Variants in KCNT2 observed in about 807,000 individuals in gnomAD.
KCNT2 encodes potassium channel subfamily T member 2.
KCNT2 carries 67 observed loss-of-function variants against 153.8 expected under a neutral mutation model. The ratio of observed to expected loss-of-function variants is 0.44; its 90% CI spans 0.36 to 0.53. KCNT2 has a LOEUF of 0.53. Among genes scored for constraint, KCNT2 ranks in the 20% least tolerant of loss-of-function variants. The pLI is 0.00. For missense variants in KCNT2, 975 were observed against 1,354.8 expected, an observed-to-expected ratio of 0.72 and a Z score of 4.40; for synonymous variants, 500 against 458.8, an observed-to-expected ratio of 1.09 and a Z score of -1.15.
intron 1 of KCNT2, among the ~76,000 whole-genome samples, chr1:196,559,810 T>G (rs1659148856): frequency 6.6e-6 from 1 of 151,794 alleles, no homozygotes; most frequent in Admixed American, 6.6e-5. Flanking sequence ...TCTCTGAATT[T>G]TTTTATAATA....
intron 12 of KCNT2, among the ~76,000 whole-genome samples, chr1:196,414,745 G>A (rs79230080): frequency 0.058 from 8,757 of 151,890 alleles, 390 homozygotes; most frequent in Non-Finnish European, 0.085. Context: ...TTTCCCCCAT[G>A]TAATTCTCCA....
chr1:196,542,313 T>A (rs1656488411), intron 1 of KCNT2, among the ~76,000 whole-genome samples: 1 of 152,118 alleles, frequency 6.6e-6, no homozygotes, highest in African/African-American at 2.4e-5. Flanking sequence ...GAAAATTATA[T>A]CAAGTCTTTT....
chr1:196,398,789 T>A, intron 12 of KCNT2, 118 bp from the exon 13 acceptor site: 1 of 543,222 alleles, frequency 1.8e-6, no homozygotes, highest in Non-Finnish European at 3.3e-6. Context: ...AACATAAAAA[T>A]TACTCTGAGG....
Position 196,489,891 on chromosome 1 carries a change from G to A in KCNT2, c.222C>T (p.Cys74=). Residue 74 remains cysteine (C), a synonymous_variant, in exon 3 of 28, where the codon TGC becomes TGT. Transcript: ENST00000294725. ...LFNFSLKLLS[C]LLYIIRVLLE... ...GTAGTACTCGGATTATGTATAATAA[G>A]CAGCTTAGTAATTTGAGAGAAAAAT... 3.8e-6 allele frequency: 6 copies of A among 1,591,804 alleles called. No individual in the cohort carries two copies. The highest frequency in any genetic ancestry group is 1.1e-5 in the South Asian group (1 of 87,196).
At chr1:196,462,959 T>C (rs1677281956) in intron 8 of KCNT2, among the ~76,000 whole-genome samples, 1 of 151,734 alleles carries the variant, frequency 6.6e-6, no homozygotes, top group Non-Finnish European at 1.5e-5. Flanking sequence ...AACCAAATTC[T>C]AGCCTAAAGT....
intron 25 of KCNT2, among the ~76,000 whole-genome samples, chr1:196,271,992 A>C (rs941011089): frequency 6.6e-6 from 1 of 151,964 alleles, no homozygotes; most frequent in African/African-American, 2.4e-5. Context: ...TTAACACTGA[A>C]CAACTCACTC....
intron 13 of KCNT2, among the ~76,000 whole-genome samples, chr1:196,391,120 G>C (rs764774585): frequency 4.0e-5 from 6 of 151,206 alleles, no homozygotes; most frequent in Non-Finnish European, 5.9e-5. Flanking sequence ...GGGTTGTAAG[G>C]CTCCAACTAA....
chr1:196,432,936 C>A (rs966768726), intron 8 of KCNT2, among the ~76,000 whole-genome samples: 1 of 152,024 alleles, frequency 6.6e-6, no homozygotes, highest in Non-Finnish European at 1.5e-5. Context: ...TGTGTCCCCT[C>A]CAAAATTCAC....
At chr1:196,525,809 G>A (rs1430283457) in intron 1 of KCNT2, among the ~76,000 whole-genome samples, 1 of 151,884 alleles carries the variant, frequency 6.6e-6, no homozygotes, top group African/African-American at 2.4e-5. Context: ...TTATTATAAT[G>A]AAATACTGTA....
intron 1 of KCNT2, among the ~76,000 whole-genome samples, chr1:196,496,828 A>G (rs560825740): frequency 6.6e-6 from 1 of 152,120 alleles, no homozygotes; most frequent in Non-Finnish European, 1.5e-5. Flanking sequence ...ACACGAATTC[A>G]CCTAACTTGC....
At chr1:196,257,634 T>C in intron 26 of KCNT2, 8 of 947,600 alleles carry the variant, frequency 8.4e-6, no homozygotes, top group Non-Finnish European at 1.0e-5. Context: ...ATAGTGTCTA[T>C]ATGGCAATTA....
chr1:196,376,299 A>G (rs755182404), intron 13 of KCNT2, among the ~76,000 whole-genome samples: 20 of 152,024 alleles, frequency 1.3e-4, no homozygotes, highest in Middle Eastern at 3.4e-3. Flanking sequence ...TAGAAAGGCA[A>G]TATGTTTCAT....
At chr1:196,411,059 C>CCT in intron 12 of KCNT2, among the ~76,000 whole-genome samples, 1 of 95,062 alleles carries the variant, frequency 1.1e-5, no homozygotes, top group African/African-American at 4.8e-5. Context: ...CCTCTATTCC[C>CCT]TCCTTCCTTC....
chr1:196,337,063 C>T (rs552283784), intron 16 of KCNT2, among the ~76,000 whole-genome samples: 89 of 151,976 alleles, frequency 5.9e-4, no homozygotes, highest in Admixed American at 3.3e-3. Flanking sequence ...CTTTTTCAGC[C>T]TATCTCTCTC....
intron 25 of KCNT2, among the ~76,000 whole-genome samples, chr1:196,274,048 T>G (rs1658325195): frequency 6.6e-6 from 1 of 151,640 alleles, no homozygotes; most frequent in Non-Finnish European, 1.5e-5. Context: ...TTGTACTATT[T>G]TTTAATTTCA....
chr1:196,605,520 G>A (rs1665217554), intron 1 of KCNT2, among the ~76,000 whole-genome samples: 2 of 152,130 alleles, frequency 1.3e-5, no homozygotes, highest in African/African-American at 4.8e-5. Flanking sequence ...GTTGGTGGTG[G>A]GGAGAAAACC....
At chr1:196,336,342 C>T (rs1056589113) in intron 16 of KCNT2, among the ~76,000 whole-genome samples, 2 of 151,992 alleles carry the variant, frequency 1.3e-5, no homozygotes, top group African/African-American at 4.8e-5. Context: ...ACACCTGTAC[C>T]TTGGCTTTCC....
intron 8 of KCNT2, among the ~76,000 whole-genome samples, chr1:196,430,378 A>ATCTC (rs71154742): frequency 2.3e-4 from 33 of 144,596 alleles, no homozygotes; most frequent in African/African-American, 5.7e-4. Context: ...CACAAGATCG[A>ATCTC]TCTCTCTCTC....
chr1:196,543,607 G>A (rs573798174), intron 1 of KCNT2, among the ~76,000 whole-genome samples: 11 of 152,146 alleles, frequency 7.2e-5, no homozygotes, highest in Non-Finnish European at 1.6e-4. Context: ...TACTGTGTTC[G>A]GAAAATGGAT....
Sources: allele counts gnomAD v4.1 joint callset (sites outside exome capture counted in the v4.1 genomes callset), GRCh38; gene constraint gnomAD v4.1.1; transcripts MANE v1.5; gene names NCBI Gene and HGNC (gene_info 2026-07-23, HGNC 2026-07-21).